CFAP410: variants seen among roughly 807,000 people sequenced by gnomAD.
CFAP410 encodes the protein cilia and flagella associated protein 410.
In CFAP410, 27 loss-of-function variants were observed where a neutral mutation model predicts 25.7. That is an observed-to-expected ratio of 1.05 (90% CI 0.77 to 1.45). The LOEUF (loss-of-function observed/expected upper bound fraction) is 1.45. Ranked by LOEUF, CFAP410 falls within the 40% of genes most tolerant of loss-of-function variation. CFAP410 has a pLI of 0.00. For synonymous variants in CFAP410, 178 were observed against 158.4 expected (o/e 1.12, Z -0.93); for missense variants, 428 against 354.1 (o/e 1.21, Z -1.67).
chr21:44,333,368 C>T (rs2047689090), intron 3 of CFAP410, 106 bp from the exon 4 acceptor site: 7 of 858,590 alleles, frequency 8.2e-6, no homozygotes, highest in Middle Eastern at 3.3e-4. Context: ...TGTGTCCCTG[C>T]CCTCTCCTGA....
chr21:44,331,783 G>A (rs762514398), intron 5 of CFAP410, 60 bp downstream of exon 5: 46 of 1,536,906 alleles, frequency 3.0e-5, no homozygotes, highest in Admixed American at 3.9e-5. Context: ...TTCACTCCCC[G>A]TGGGAGGACC....
intron 2 of CFAP410, 158 bp from the exon 3 acceptor site, chr21:44,335,962 G>A (rs2047745453): frequency 3.3e-6 from 2 of 598,290 alleles, no homozygotes; most frequent in Admixed American, 2.9e-5. Context: ...TGAATGCCCA[G>A]GGCCTGAGGG....
Position 44,332,026 on chromosome 21 carries a change from AAGAC to A in CFAP410, c.374-16_374-13del, listed in dbSNP as rs766338501. The A allele has an allele frequency of 1.4e-4, 222 of 1,585,832 alleles. 3 individuals carry two copies. In the South Asian group the frequency reaches 1.8e-3, roughly 13 times the overall value. On this transcript the variant is annotated splice_polypyrimidine_tract_variant and intron_variant, in intron 4 of 6. Transcript: ENST00000339818. ...CTCCTCCGTCACAGCTTTGGGATGA[AAGAC>A]AGAAGACAGCATGAGTGGCCTCACC...
intron 1 of CFAP410, chr21:44,338,238 G>A (rs1179676513): frequency 3.2e-6 from 4 of 1,248,574 alleles, no homozygotes; most frequent in Non-Finnish European, 4.2e-6. Flanking sequence ...GCTCACTCTG[G>A]GCAGTCTGCG....
rs1477260907 is a variant in CFAP410 at position 44,332,022 on chromosome 21, A to G, written c.374-8T>C. 6.3e-7 allele frequency: 1 copy of G among 1,592,650 alleles called. No homozygotes were observed. The highest frequency in any genetic ancestry group is 8.6e-7 in the Non-Finnish European group (1 of 1,167,932). The stretch of plus-strand genomic sequence containing the variant: ...GCTCCTCCTCCGTCACAGCTTTGGG[A>G]TGAAAGACAGAAGACAGCATGAGTG... On this transcript the variant is annotated splice_polypyrimidine_tract_variant and splice_region_variant and intron_variant, in intron 4 of 6. Coordinates refer to ENST00000339818, the MANE Select transcript of CFAP410 (RefSeq NM_004928.3).
chr21:44,338,842 G>A (rs1396380178), intron 1 of CFAP410: 38 of 88,916 alleles, frequency 4.3e-4, no homozygotes, highest in African/African-American at 1.7e-3. Context: ...CTCCGCCCTC[G>A]TCCCGCCCCG....
Position 44,332,965 on chromosome 21 carries a change from G to A in CFAP410, c.373+68C>T, listed in dbSNP as rs565960183. 3.6e-5 allele frequency: 38 copies of A among 1,061,268 alleles called. No individual in the cohort carries two copies. The East Asian group carries it at 8.9e-4, about 25-fold the overall frequency. The allele number at this position is 1,061,268 out of a possible 1,614,324, so 65.7% of individuals were successfully genotyped here. A position where few individuals can be genotyped will look rare whatever the true frequency, so the allele number is the denominator to read the frequency against. ...ATTTGCAGAAAAGGAGAAGAGAAAA[G>A]AGGGCTGGGGACATCCCCTTCCAGG... is the stretch of plus-strand genomic sequence containing the variant. On this transcript the variant is annotated intron_variant, in intron 4 of 6. Transcript: ENST00000339818.
At chr21:44,330,566 C>G (rs2047626537) in intron 6 of CFAP410, 1 of 1,549,552 alleles carries the variant, frequency 6.5e-7, no homozygotes, top group East Asian at 2.4e-5. Context: ...GGGCCCGGGC[C>G]CACATTCCAC....
chr21:44,332,866 GGA>G (rs1048942652), intron 4 of CFAP410, 165 bp downstream of exon 4: 14 of 614,240 alleles, frequency 2.3e-5, no homozygotes, highest in Non-Finnish European at 3.8e-5. Context: ...GGGATCAAGA[GGA>G]GACACAGAAG....
chr21:44,335,725 C>T (rs749459116), intron 3 of CFAP410, 33 bp downstream of exon 3: 2 of 1,563,230 alleles, frequency 1.3e-6, no homozygotes, highest in Non-Finnish European at 1.7e-6. Flanking sequence ...GCTTCCAGGC[C>T]CCAGGCTGAG....
rs2047691014 is a variant in CFAP410, at chr21:44,333,484, C to T, written c.144-222G>A. 14 of 590,514 alleles carry T rather than the reference C, an allele frequency of 2.4e-5. 1 individual carries two copies. The South Asian group carries it at 2.7e-4, about 11-fold the overall frequency. 36.6% of individuals were successfully genotyped at this position (590,514 alleles called of 1,614,324 possible). A position where few individuals can be genotyped will look rare whatever the true frequency, so the allele number is the denominator to read the frequency against. The stretch of plus-strand genomic sequence containing the variant: ...CTCAAAGGCGGACTGGGGTGGACCC[C>T]ACCAGCAACAGCCCCTTGGCCCGAC... On this transcript the variant is annotated intron_variant, in intron 3 of 6. Transcript: ENST00000339818.
rs749911433 is a variant in CFAP410 at position 44,330,547 on chromosome 21, A to C, written c.643-221T>G. On this transcript the variant is annotated intron_variant, in intron 6 of 6. Coordinates refer to ENST00000339818, the MANE Select transcript of CFAP410 (RefSeq NM_004928.3). ...CTTCCACGTGACTCCTGTTGCCCTC[A>C]GCCCAGCAGGGCCCGGGCCCACATT... The C allele has an allele frequency of 4.5e-5, 69 of 1,548,992 alleles. No individual in the cohort carries two copies. The highest frequency in any genetic ancestry group is 6.0e-5 in the Non-Finnish European group (69 of 1,146,860).
chr21:44,330,063 C>T lies in CFAP410; in HGVS notation c.*135G>A, dbSNP rs115529052. The T allele has an allele frequency of 5.6e-3, 5,864 of 1,039,768 alleles. 233 individuals are homozygous for T. The African/African-American group carries it at 0.081, about 14-fold the overall frequency. The allele number at this position is 1,039,768 out of a possible 1,614,324, so 64.4% of individuals were successfully genotyped here. A position where few individuals can be genotyped will look rare whatever the true frequency, so the allele number is the denominator to read the frequency against. ...AGTACCTAACACCCACTCCTGCCCT[C>T]GGCCGATGTGGCAAACCGGGGAGGC... On this transcript the variant is annotated 3_prime_UTR_variant, in exon 7 of 7. Transcript: ENST00000339818.
Position 44,333,183 on chromosome 21 carries a change from G to T in CFAP410, c.223C>A (p.Pro75Thr). The change falls in exon 4 of 7, where the codon CCC becomes ACC. Residue 75 changes from proline to threonine, a missense_variant. Coordinates refer to ENST00000339818, the MANE Select transcript of CFAP410 (RefSeq NM_004928.3). Reference sequence around the variant, plus strand: ...AGGTAGAAGAGCTCAGCCAGGCTGGGGATGCGGTTCCTCCGCAGGTACAGC... The same window carrying T: ...AGGTAGAAGAGCTCAGCCAGGCTGGTGATGCGGTTCCTCCGCAGGTACAGC... ...SELYLRRNRI[P>T]SLAELFYLKG... The T allele has an allele frequency of 6.2e-7, 1 of 1,612,942 alleles. No individual in the cohort carries two copies. Among genetic ancestry groups the T allele is most frequent in the South Asian group, 1.1e-5 (1 of 91,068 alleles).
At chr21:44,335,573 T>C (rs957657779) in intron 3 of CFAP410, 185 bp downstream of exon 3, 1 of 608,304 alleles carries the variant, frequency 1.6e-6, no homozygotes, top group Admixed American at 3.0e-5. Context: ...GAAGGAGGGC[T>C]GAACATGGGG....
In CFAP410 at chr21:44,335,857, C is replaced by T. The variant is rs182333890; in HGVS notation, c.97-53G>A. 577 of 1,365,996 alleles carry T rather than the reference C, an allele frequency of 4.2e-4. 4 individuals are homozygous for T. In the African/African-American group the frequency reaches 4.7e-3, roughly 11 times the overall value. The allele number at this position is 1,365,996 out of a possible 1,614,324, so 84.6% of individuals were successfully genotyped here. ...GCATGGCACAGCAGGGCATCGCGGC[C>T]GCACTGCCATCAGCCACAGAGAACT... On this transcript the variant is annotated intron_variant, in intron 2 of 6. Transcript: ENST00000339818.
intron 3 of CFAP410, chr21:44,334,466 G>A (rs996389760): frequency 5.7e-6 from 1 of 176,196 alleles, no homozygotes; most frequent in Non-Finnish European, 1.1e-5. Flanking sequence ...AGTGAAACGA[G>A]CCCCGCGGCA....
At chr21:44,335,858 G>A (rs889292055) in intron 2 of CFAP410, 54 bp from the exon 3 acceptor site, 90 of 1,357,460 alleles carry the variant, frequency 6.6e-5, no homozygotes, top group South Asian at 9.9e-5. Flanking sequence ...CATCGCGGCC[G>A]CACTGCCATC....
chr21:44,335,952 T>C, intron 2 of CFAP410, 148 bp from the exon 3 acceptor site: 2 of 639,506 alleles, frequency 3.1e-6, no homozygotes, highest in Admixed American at 2.4e-5. Flanking sequence ...GTGCCCAGGG[T>C]GAATGCCCAG....
Sources: allele counts gnomAD v4.1 joint callset, GRCh38; gene constraint gnomAD v4.1.1; transcripts MANE v1.5; gene names NCBI Gene and HGNC (gene_info 2026-07-23, HGNC 2026-07-21).